The following IPO11 variants were observed in gnomAD, a reference collection of about 807,000 sequenced individuals.
IPO11 encodes importin-11.
A neutral mutation model predicts 143.2 loss-of-function variants in IPO11; 66 were observed. That is an observed-to-expected ratio of 0.46 (90% CI 0.38 to 0.57). The LOEUF is 0.57. Among genes scored for constraint, IPO11 ranks in the 20% least tolerant of loss-of-function variants. The probability of loss-of-function intolerance (pLI) is 0.00; values close to 1 mark genes in which losing one functional copy is unlikely to be tolerated. For synonymous variants in IPO11, 385 were observed against 377.8 expected (o/e 1.02, Z -0.22); for missense variants, 1,026 against 1,141.0 (o/e 0.90, Z 1.45).
intron 1 of IPO11, among the ~76,000 whole-genome samples, chr5:62,428,123 C>G (rs767293923): frequency 2.0e-5 from 3 of 152,176 alleles, no homozygotes; most frequent in Non-Finnish European, 4.4e-5. Context: ...AGAAGTCTTA[C>G]ATTCTTTCAC....
intron 11 of IPO11, among the ~76,000 whole-genome samples, chr5:62,485,095 T>G (rs1301754276): frequency 2.6e-5 from 4 of 152,168 alleles, no homozygotes; most frequent in African/African-American, 9.7e-5. Flanking sequence ...AATGAAATGA[T>G]TCTCAGAATT....
At chr5:62,459,465 C>G (rs577403449) in intron 5 of IPO11, among the ~76,000 whole-genome samples, 3 of 152,014 alleles carry the variant, frequency 2.0e-5, no homozygotes, top group African/African-American at 4.8e-5. Flanking sequence ...TGAGATAGAT[C>G]TTGTACCTAC....
intron 15 of IPO11, 93 bp from the exon 16 acceptor site, chr5:62,493,905 A>G (rs1382652430): frequency 8.7e-7 from 1 of 1,147,162 alleles, no homozygotes; most frequent in Non-Finnish European, 1.2e-6. Flanking sequence ...TTGCATTCTT[A>G]CTACATTTTA....
chr5:62,592,757 A>C (rs191002138), intron 28 of IPO11, among the ~76,000 whole-genome samples: 1 of 152,246 alleles, frequency 6.6e-6, no homozygotes, highest in East Asian at 1.9e-4. Context: ...GCTGTGCAAA[A>C]GGGGAAAAAC....
intron 3 of IPO11, among the ~76,000 whole-genome samples, chr5:62,448,295 A>G (rs1436902892): frequency 6.6e-6 from 1 of 152,172 alleles, no homozygotes; most frequent in African/African-American, 2.4e-5. Flanking sequence ...AGGGCAGGAC[A>G]GCATGAGATT....
chr5:62,504,857 C>T lies in IPO11; in HGVS notation c.1625-1C>T, dbSNP rs1223394753. 7.7e-6 allele frequency: 12 copies of T among 1,553,950 alleles called. No homozygotes were observed. The highest frequency in any genetic ancestry group is 1.1e-5 in the Non-Finnish European group (12 of 1,139,670). ...CTCAGTATTCCTTAACTGTTCTTCA[C>T]CTGTTGATGATTTTGAATTTAGAAC... On this transcript the variant is annotated splice_acceptor_variant, in intron 17 of 29. Coordinates refer to ENST00000325324, the MANE Select transcript of IPO11 (RefSeq NM_016338.5). LOFTEE classifies it high-confidence loss of function.
chr5:62,456,537 A>G (rs1745162777), intron 5 of IPO11, among the ~76,000 whole-genome samples: 1 of 152,172 alleles, frequency 6.6e-6, no homozygotes, highest in Middle Eastern at 3.4e-3. Context: ...GGTGTCTACA[A>G]CCTTGACCTC....
Position 62,568,504 on chromosome 5 carries a change from A to G in IPO11, c.2582+7247A>G, listed in dbSNP as rs575916012. On this transcript the variant is annotated intron_variant, in intron 27 of 29. Coordinates refer to ENST00000325324, the MANE Select transcript of IPO11 (RefSeq NM_016338.5). ...CTGGAGACTCACTTGAACCCAGGAGACAGAGGTTGCAGTGGGTCGAGATTG... is the reference window on the plus strand; with the variant it reads ...CTGGAGACTCACTTGAACCCAGGAGGCAGAGGTTGCAGTGGGTCGAGATTG... 4.0e-4 allele frequency among the ~76,000 whole-genome samples: 55 copies of G among 138,222 alleles called. 1 individual carries two copies. The highest frequency in any genetic ancestry group is 1.5e-3 in the African/African-American group (53 of 36,218). 90.7% of individuals were successfully genotyped at this position (138,222 alleles called of 152,430 possible). A position where few individuals can be genotyped will look rare whatever the true frequency, so the allele number is the denominator to read the frequency against.
In IPO11 at chr5:62,597,718, A is replaced by G. The variant is rs977565000; in HGVS notation, c.2679-4046A>G. Among the ~76,000 whole-genome samples the G allele has an allele frequency of 1.2e-4, 18 of 152,326 alleles. No homozygotes were observed. In the South Asian group the frequency reaches 3.7e-3, roughly 32 times the overall value. ...TAGGCTAAATGTAATTTAACACAGG[A>G]GAGGGAGACTCATAATATTTCTTCT... is the stretch of plus-strand genomic sequence containing the variant. On this transcript the variant is annotated intron_variant, in intron 28 of 29. Coordinates refer to ENST00000325324, the MANE Select transcript of IPO11 (RefSeq NM_016338.5).
intron 7 of IPO11, among the ~76,000 whole-genome samples, chr5:62,472,233 C>A (rs937745018): frequency 1.8e-4 from 27 of 152,232 alleles, no homozygotes; most frequent in African/African-American, 6.5e-4. Flanking sequence ...GTCAAAGTCT[C>A]AGGAATTATA....
intron 1 of IPO11, among the ~76,000 whole-genome samples, chr5:62,435,071 T>C (rs866110130): frequency 8.8e-5 from 10 of 113,786 alleles, no homozygotes; most frequent in African/African-American, 3.6e-4. Flanking sequence ...TGTATATATA[T>C]GTATATATAT....
At chr5:62,439,927 A>T (rs150966082) in intron 2 of IPO11, among the ~76,000 whole-genome samples, 22 of 152,256 alleles carry the variant, frequency 1.4e-4, no homozygotes, top group Admixed American at 6.5e-4. Context: ...TACTTATAGG[A>T]CATTTCTACT....
chr5:62,468,931 T>C (rs1429062516), intron 6 of IPO11, among the ~76,000 whole-genome samples: 1 of 152,212 alleles, frequency 6.6e-6, no homozygotes. Context: ...TTAGTATCTT[T>C]TAGACATGGA....
intron 1 of IPO11, among the ~76,000 whole-genome samples, chr5:62,418,104 C>T (rs1475907857): frequency 2.0e-5 from 3 of 152,072 alleles, no homozygotes; most frequent in Non-Finnish European, 4.4e-5. Flanking sequence ...GATTCTCCTG[C>T]TGCAGCTTTC....
intron 24 of IPO11, among the ~76,000 whole-genome samples, chr5:62,546,050 A>G (rs1469398700): frequency 1.3e-5 from 2 of 152,222 alleles, no homozygotes; most frequent in Non-Finnish European, 2.9e-5. Context: ...CAATTCCTCA[A>G]GGATCTAGAA....
chr5:62,546,031 A>G (rs563336172), intron 24 of IPO11, among the ~76,000 whole-genome samples: 5 of 152,304 alleles, frequency 3.3e-5, no homozygotes, highest in South Asian at 4.1e-4. Context: ...ATTGTGGAAG[A>G]CAGTGTGGCA....
At chr5:62,520,103 G>GC (rs1232302202) in intron 20 of IPO11, among the ~76,000 whole-genome samples, 1 of 152,182 alleles carries the variant, frequency 6.6e-6, no homozygotes, top group Non-Finnish European at 1.5e-5. Context: ...AGTAGGTCAG[G>GC]CCCACCTGGA....
chr5:62,464,038 G>A (rs1745476922), intron 5 of IPO11, among the ~76,000 whole-genome samples: 1 of 151,614 alleles, frequency 6.6e-6, no homozygotes, highest in Admixed American at 6.6e-5. Flanking sequence ...TGGCCAGGCT[G>A]GTCTCGAACT....
chr5:62,421,228 A>C (rs1424080506), intron 1 of IPO11, among the ~76,000 whole-genome samples: 1 of 152,208 alleles, frequency 6.6e-6, no homozygotes, highest in Non-Finnish European at 1.5e-5. Context: ...TTGTTGATTC[A>C]CAAGGGTTCC....
Sources: gnomAD v4.1 joint callset for allele counts (sites outside exome capture counted in the v4.1 genomes callset) on GRCh38, gnomAD v4.1.1 for gene constraint, MANE v1.5 for transcripts, NCBI Gene and HGNC (gene_info 2026-07-23, HGNC 2026-07-21) for gene names.